EVC: variants seen among roughly 807,000 people sequenced by gnomAD.
EVC encodes the protein evC complex member EVC.
A neutral mutation model predicts 118.9 loss-of-function variants in EVC; 116 were observed. The ratio of observed to expected loss-of-function variants is 0.98; its 90% CI spans 0.84 to 1.14. The LOEUF is 1.14. Ranked by LOEUF, EVC falls within the 50% of genes most tolerant of loss-of-function variation. EVC has a pLI of 0.00. For missense variants in EVC, 1,401 were observed against 1,246.4 expected, an observed-to-expected ratio of 1.12 and a Z score of -1.87; for synonymous variants, 619 against 534.7, an observed-to-expected ratio of 1.16 and a Z score of -2.18.
At chr4:5,748,638 T>A (rs1034878294) in intron 8 of EVC, among the ~76,000 whole-genome samples, 12 of 70,354 alleles carry the variant, frequency 1.7e-4, no homozygotes, top group African/African-American at 2.6e-4. Flanking sequence ...CCATCTGCCC[T>A]CCCACCCATT....
intron 11 of EVC, among the ~76,000 whole-genome samples, chr4:5,778,491 C>G (rs1266158824): frequency 6.6e-6 from 1 of 151,912 alleles, no homozygotes; most frequent in Non-Finnish European, 1.5e-5. Context: ...CACATCCTCT[C>G]CAGCACCTGT....
At chr4:5,819,367 T>C in the EVC span, among the ~76,000 whole-genome samples, 3 of 152,170 alleles carry the variant, frequency 2.0e-5, no homozygotes, top group South Asian at 4.1e-4. Flanking sequence ...AAACTCTCTC[T>C]CCCTCCTCCC....
chr4:5,712,956 T>C lies in EVC; in HGVS notation c.174+1402T>C, dbSNP rs1723284223. Among the ~76,000 whole-genome samples, 3 of 152,226 alleles carry C rather than the reference T, an allele frequency of 2.0e-5. No individual in the cohort carries two copies. In the South Asian group the frequency reaches 6.2e-4, roughly 31 times the overall value. ...CACTTTACAGTGAGGCAGGGGATGC[T>C]CTGCAAGGGTGTTTGTCCAGGGTGC... is the stretch of plus-strand genomic sequence containing the variant. On this transcript the variant is annotated intron_variant, in intron 1 of 20. Transcript: ENST00000264956.
At position 5,756,945 on chromosome 4, in the gene EVC, G is replaced by A. The variant is rs1366222258; in HGVS notation, c.1563+583G>A. ...AGGCAGCATCCTCAGTTGTTGGAAAGACAGGAGTGTGGACACCTGGCTATG... is the reference window on the plus strand; with the variant it reads ...AGGCAGCATCCTCAGTTGTTGGAAAAACAGGAGTGTGGACACCTGGCTATG... On this transcript the variant is annotated intron_variant, in intron 11 of 20. Transcript: ENST00000264956. The surrounding 1 kb of genome is among the most constrained non-coding windows in gnomAD (Gnocchi z 4.2). Among the ~76,000 whole-genome samples, 1 of 152,198 alleles carries A rather than the reference G, an allele frequency of 6.6e-6. No homozygotes were observed. The highest frequency in any genetic ancestry group is 1.5e-5 in the Non-Finnish European group (1 of 68,030).
At chr4:5,778,409 G>A (rs527378045) in intron 11 of EVC, among the ~76,000 whole-genome samples, 17 of 151,664 alleles carry the variant, frequency 1.1e-4, no homozygotes, top group African/African-American at 3.1e-4. Context: ...CTGAGGAATC[G>A]CCACACTGAC....
intron 11 of EVC, among the ~76,000 whole-genome samples, chr4:5,772,367 AGC>A (rs1445689474): frequency 1.6e-5 from 2 of 128,910 alleles, no homozygotes. Flanking sequence ...TCGTTCAAGA[AGC>A]AAACAGACCA....
In EVC at chr4:5,719,923, A is replaced by G. The variant is rs1364055705; in HGVS notation, c.300+550A>G. Among the ~76,000 whole-genome samples the G allele has an allele frequency of 6.6e-6, 1 of 152,196 alleles. No homozygotes were observed. The highest frequency in any genetic ancestry group is 1.5e-5 in the Non-Finnish European group (1 of 68,042). On this transcript the variant is annotated intron_variant, in intron 2 of 20. Coordinates refer to ENST00000264956, the MANE Select transcript of EVC (RefSeq NM_153717.3). This position sits in a 1 kb window ranked among gnomAD's most constrained non-coding sequence, Gnocchi z 4.7. ...GGGCTGTTTTCAGAATTTGACTGTA[A>G]TGAATAAGCCTACTATGAATGTTGG...
In EVC at chr4:5,733,428, A is replaced by G; in HGVS notation, c.695A>G (p.Lys232Arg). The change falls in exon 5 of 21, where the codon AAG (lysine) becomes AGG (arginine). Residue 232 changes from lysine to arginine, a missense_variant. By Grantham distance (26) the Lys-to-Arg change is conservative (BLOSUM62 2). Coordinates refer to ENST00000264956, the MANE Select transcript of EVC (RefSeq NM_153717.3). ...TTGGACACGGCACTGAGGCAGGAAAAGCATATGGTAGGTGGAGATGTTCGC... is the reference window on the plus strand; with the variant it reads ...TTGGACACGGCACTGAGGCAGGAAAGGCATATGGTAGGTGGAGATGTTCGC... ...LHLDTALRQEKHMMFIQIFKM... is the reference protein window; with the variant it reads ...LHLDTALRQERHMMFIQIFKM... The G allele has an allele frequency of 1.2e-6, 2 of 1,613,800 alleles. No individual in the cohort carries two copies. The highest frequency in any genetic ancestry group is 1.7e-6 in the Non-Finnish European group (2 of 1,179,736).
Position 5,731,188 on chromosome 4 carries a change from C to G in EVC, c.385-237C>G, listed in dbSNP as rs758106609. On this transcript the variant is annotated intron_variant, in intron 3 of 20. Transcript: ENST00000264956. The surrounding 1 kb of genome is among the most constrained non-coding windows in gnomAD (Gnocchi z 5.6). ...CAGGTTGGCAGTTTAGGGGAAGGAA[C>G]CTGGTGCAGAGGGGCTGGCCTTGTG... 2.0e-5 allele frequency among the ~76,000 whole-genome samples: 3 copies of G among 151,888 alleles called. No homozygotes were observed. The highest frequency in any genetic ancestry group is 2.9e-5 in the Non-Finnish European group (2 of 67,974).
rs1724517311 is a variant in EVC, at chr4:5,719,256, C to G, written c.183C>G (p.Asp61Glu). ...GRQRTRHQKD[D>E]TQNLLKNLES... ...TGACCTTCGGGTTTTAGAAAGACGACACTCAAAATCTGCTCAAGAATTTGG... is the reference window on the plus strand; with the variant it reads ...TGACCTTCGGGTTTTAGAAAGACGAGACTCAAAATCTGCTCAAGAATTTGG... The change falls in exon 2 of 21, where the codon GAC becomes GAG. Residue 61 changes from aspartate (D) to glutamate (E), a missense_variant. By Grantham distance (45) the Asp-to-Glu change is conservative (BLOSUM62 2). Coordinates refer to ENST00000264956, the MANE Select transcript of EVC (RefSeq NM_153717.3). The surrounding 1 kb of genome is among the most constrained non-coding windows in gnomAD (Gnocchi z 4.7). 1 of 1,614,072 alleles carries G rather than the reference C, an allele frequency of 6.2e-7. No homozygotes were observed. Among genetic ancestry groups the G allele is most frequent in the African/African-American group, 1.3e-5 (1 of 74,934 alleles).
chr4:5,716,553 A>G lies in EVC; in HGVS notation c.175-2695A>G, dbSNP rs192223891. ...TAAGGGGCAGCTGAGGACCTCAGCC[A>G]TGGATCCTCAGAGTGGATCCATTGG... On this transcript the variant is annotated intron_variant, in intron 1 of 20. Transcript: ENST00000264956. 1.7e-3 allele frequency among the ~76,000 whole-genome samples: 260 copies of G among 152,340 alleles called. 4 individuals carry two copies. The highest frequency in any genetic ancestry group is 0.015 in the East Asian group (76 of 5,174).
chr4:5,783,725 G>T lies in EVC; in HGVS notation c.1737G>T (p.Gln579His), dbSNP rs768788576. The stretch of plus-strand genomic sequence containing the variant: ...AGTCAAATCGCTTCCGGAGGCAGCA[G>T]TGGAAACTCTTCCAGGAGCTCCTAG... ...LGKSNRFRRQ[Q>H]WKLFQELLEQ... The change falls in exon 12 of 21, where the codon CAG becomes CAT. Residue 579 changes from glutamine to histidine, a missense_variant. Transcript: ENST00000264956. The T allele has an allele frequency of 2.6e-5, 42 of 1,613,746 alleles. No homozygotes were observed. In the Middle Eastern group the frequency reaches 1.3e-3, roughly 51 times the overall value.
the EVC span, chr4:5,824,580 T>G: frequency 3.1e-6 from 3 of 967,186 alleles, no homozygotes; most frequent in Middle Eastern, 5.3e-4. Context: ...ATTGACCAAA[T>G]CCGGCCCACC....
chr4:5,818,437 G>A (rs1718012289), downstream of EVC, among the ~76,000 whole-genome samples: 2 of 152,162 alleles, frequency 1.3e-5, no homozygotes, highest in Non-Finnish European at 2.9e-5. Flanking sequence ...ATGTCGATAG[G>A]TTGAAATTGG....
chr4:5,791,192 C>T (rs376666417), intron 12 of EVC, among the ~76,000 whole-genome samples: 58 of 152,132 alleles, frequency 3.8e-4, no homozygotes, highest in African/African-American at 1.3e-3. Context: ...AAACAATGTG[C>T]GAACTAGAAG....
At chr4:5,804,006 T>C (rs1008262341) in intron 16 of EVC, among the ~76,000 whole-genome samples, 4 of 151,974 alleles carry the variant, frequency 2.6e-5, no homozygotes, top group Admixed American at 6.6e-5. Flanking sequence ...AGTGGCATGA[T>C]TTCGGCTCAC....
chr4:5,797,196 C>T lies in EVC; in HGVS notation c.2061C>T (p.Cys687=). ...QRALEQGSSQ[C]LDEHQWQLLR... ...CACTGGAGCAGGGGTCCTCCCAGTG[C>T]CTGGACGAGCATCAGTGGCAGCTGC... Residue 687 remains cysteine (C), a synonymous_variant, in exon 14 of 21, where the codon TGC becomes TGT. Coordinates refer to ENST00000264956, the MANE Select transcript of EVC (RefSeq NM_153717.3). 1 of 1,612,580 alleles carries T rather than the reference C, an allele frequency of 6.2e-7. No homozygotes were observed.
At chr4:5,732,924 T>A (rs919552862) in intron 4 of EVC, among the ~76,000 whole-genome samples, 4 of 152,200 alleles carry the variant, frequency 2.6e-5, no homozygotes, top group Admixed American at 2.6e-4. Context: ...GTGGGAGGAT[T>A]GCTTGAGCCC....
rs777292056 is a variant in EVC at position 5,737,374 on chromosome 4, C to G, written c.702+3939C>G. 3.3e-5 allele frequency among the ~76,000 whole-genome samples: 5 copies of G among 152,212 alleles called. No homozygotes were observed. The highest frequency in any genetic ancestry group is 4.4e-5 in the Non-Finnish European group (3 of 68,036). On this transcript the variant is annotated intron_variant, in intron 5 of 20. Transcript: ENST00000264956. This position sits in a 1 kb window ranked among gnomAD's most constrained non-coding sequence, Gnocchi z 5.0. Reference sequence around the variant, plus strand: ...TCAGCAAGTTACCCAGAAGATCTAGCTAAGACCATTGAGCAAGGTGGCTGC... The same window carrying G: ...TCAGCAAGTTACCCAGAAGATCTAGGTAAGACCATTGAGCAAGGTGGCTGC...
Sources: gnomAD v4.1 joint callset for allele counts (sites outside exome capture counted in the v4.1 genomes callset) on GRCh38, gnomAD v4.1.1 for gene constraint, Gnocchi (gnomAD v3.1) non-coding constraint, MANE v1.5 for transcripts, NCBI Gene and HGNC (gene_info 2026-07-23, HGNC 2026-07-21) for gene names.